The following CACNA1E variants were observed in gnomAD, a reference collection of about 807,000 sequenced individuals.
CACNA1E encodes calcium voltage-gated channel subunit alpha1 E.
CACNA1E carries 40 observed loss-of-function variants against 259.2 expected under a neutral mutation model. The ratio of observed to expected loss-of-function variants is 0.15; its 90% CI spans 0.12 to 0.20. The LOEUF (loss-of-function observed/expected upper bound fraction) is 0.20. Ranked by LOEUF, CACNA1E falls within the 10% of genes least tolerant of loss-of-function variation. The pLI, the probability that CACNA1E is intolerant of heterozygous loss-of-function variation, is 1.00. For synonymous variants in CACNA1E, 1,104 were observed against 1,138.5 expected, an observed-to-expected ratio of 0.97 and a Z score of 0.61; for missense variants, 1,874 against 3,040.1, an observed-to-expected ratio of 0.62 and a Z score of 9.02.
At chr1:181,762,540 T>A (rs745660022) in intron 32 of CACNA1E, 34 bp from the exon 33 acceptor site, 5 of 1,269,372 alleles carry the variant, frequency 3.9e-6, no homozygotes, top group Non-Finnish European at 5.7e-6. Context: ...TTCTTTCCTT[T>A]TCTGATGTTC....
chr1:181,798,302 C>A lies in CACNA1E; in HGVS notation c.6410C>A (p.Ser2137Tyr), dbSNP rs1661985958. 46 of 1,594,784 alleles carry A rather than the reference C, an allele frequency of 2.9e-5. No homozygotes were observed. Among genetic ancestry groups the A allele is most frequent in the Non-Finnish European group, 3.9e-5 (46 of 1,172,154 alleles). ...SQTPNRQGTG[S>Y]LSESSIPSVS... is the part of the protein sequence containing the mutation. ...TCTCCTGCTATACAGGGCACAGGTT[C>A]CCTAAGTGAGAGCTCCATCCCCTCT... The change falls in exon 48 of 48, where the codon TCC (serine) becomes TAC (tyrosine). Residue 2137 changes from serine to tyrosine, a missense_variant. Transcript: ENST00000367573. The surrounding 1 kb of genome is among the most constrained non-coding windows in gnomAD (Gnocchi z 4.2).
intron 1 of CACNA1E, among the ~76,000 whole-genome samples, chr1:181,489,948 G>A (rs202229387): frequency 6.6e-6 from 1 of 152,326 alleles, no homozygotes; most frequent in East Asian, 1.9e-4. Flanking sequence ...GCACAGAGAG[G>A]ATGCACGTGT....
At chr1:181,769,992 C>A (rs190660871) in intron 35 of CACNA1E, among the ~76,000 whole-genome samples, 2 of 152,302 alleles carry the variant, frequency 1.3e-5, no homozygotes, top group Admixed American at 1.3e-4. Context: ...TGCTGCCTCA[C>A]TTGCCACCTC....
Position 181,710,988 on chromosome 1 carries a change from C to A in CACNA1E, c.1090C>A (p.Arg364=). 1 of 1,613,704 alleles carries A rather than the reference C, an allele frequency of 6.2e-7. No individual in the cohort carries two copies. The highest frequency in any genetic ancestry group is 8.5e-7 in the Non-Finnish European group (1 of 1,179,790). Reference sequence around the variant, plus strand: ...CAAAGAGAGAGAGAGAGTGGAGAACCGAAGGGCTTTCATGAAGCTGCGGCG... The same window carrying A: ...CAAAGAGAGAGAGAGAGTGGAGAACAGAAGGGCTTTCATGAAGCTGCGGCG... ...FAKERERVEN[R]RAFMKLRRQQ... The change falls in exon 8 of 48, where the codon CGA becomes AGA. Residue 364 remains arginine (R), a synonymous_variant. Coordinates refer to ENST00000367573, the MANE Select transcript of CACNA1E (RefSeq NM_001205293.3).
intron 8 of CACNA1E, among the ~76,000 whole-genome samples, chr1:181,712,820 G>C (rs1240278543): frequency 6.6e-6 from 1 of 152,108 alleles, no homozygotes; most frequent in Non-Finnish European, 1.5e-5. Flanking sequence ...ACCACTAAGA[G>C]AGCTGGCAGC....
chr1:181,385,523 T>C (rs1394164437), intron 1 of CACNA1E, among the ~76,000 whole-genome samples: 1 of 152,184 alleles, frequency 6.6e-6, no homozygotes, highest in African/African-American at 2.4e-5. Flanking sequence ...TATAAGCGCG[T>C]CCTTGAATTG....
chr1:181,753,773 C>T (rs1465261602), intron 27 of CACNA1E, among the ~76,000 whole-genome samples: 2 of 152,228 alleles, frequency 1.3e-5, no homozygotes, highest in African/African-American at 4.8e-5. Flanking sequence ...CACTGCTTCC[C>T]TTTCAGCCAT....
At chr1:181,779,360 G>C in intron 38 of CACNA1E, 1 of 322,402 alleles carries the variant, frequency 3.1e-6, no homozygotes, top group African/African-American at 2.1e-5. Flanking sequence ...ACCTCTTTCA[G>C]CCATCCTCTT....
At chr1:181,594,707 G>A (rs938360095) in intron 6 of CACNA1E, among the ~76,000 whole-genome samples, 3 of 152,164 alleles carry the variant, frequency 2.0e-5, no homozygotes, top group Non-Finnish European at 2.9e-5. Context: ...TGCAAGTTTT[G>A]TTTCTTATCC....
chr1:181,762,749 C>A, intron 33 of CACNA1E, 92 bp downstream of exon 33: 1 of 738,482 alleles, frequency 1.4e-6, no homozygotes, highest in African/African-American at 1.8e-5. Flanking sequence ...TTTAACCCAC[C>A]AAAGCAAATG....
At chr1:181,444,524 T>G (rs887097008) in intron 2 of CACNA1E, among the ~76,000 whole-genome samples, 15 of 151,978 alleles carry the variant, frequency 9.9e-5, no homozygotes, top group Non-Finnish European at 5.9e-5. Flanking sequence ...AAGGGAGGAC[T>G]CCCAGGTACT....
At chr1:181,761,432 T>C (rs1162326372) in intron 32 of CACNA1E, among the ~76,000 whole-genome samples, 1 of 152,220 alleles carries the variant, frequency 6.6e-6, no homozygotes, top group Non-Finnish European at 1.5e-5. Context: ...AGGCCTGGCC[T>C]AGTGTCTGGC....
At chr1:181,347,662 C>T (rs950217625) in intron 1 of CACNA1E, among the ~76,000 whole-genome samples, 5 of 152,302 alleles carry the variant, frequency 3.3e-5, no homozygotes, top group African/African-American at 1.2e-4. Flanking sequence ...ATTCACGTTG[C>T]GTGTTTCAGT....
intron 8 of CACNA1E, among the ~76,000 whole-genome samples, chr1:181,711,909 T>C (rs1346691767): frequency 1.3e-5 from 2 of 151,994 alleles, no homozygotes; most frequent in Admixed American, 6.6e-5. Context: ...ACAAGAACCA[T>C]GGGAGGGTTT....
chr1:181,726,087 C>T lies in CACNA1E; in HGVS notation c.2165C>T (p.Ala722Val). 6.2e-7 allele frequency: 1 copy of T among 1,612,610 alleles called. No homozygotes were observed. The highest frequency in any genetic ancestry group is 1.3e-5 in the African/African-American group (1 of 75,014). Residue 722 changes from alanine to valine, a missense_variant, in exon 18 of 48, where the codon GCC (alanine) becomes GTC (valine). By Grantham distance (64) the Ala-to-Val change is moderately conservative (BLOSUM62 0). This residue lies in a region of CACNA1E where 102 missense variants were observed against 279.4 expected (regional missense o/e 0.37). Coordinates refer to ENST00000367573, the MANE Select transcript of CACNA1E (RefSeq NM_001205293.3). The part of the protein sequence containing the change: ...LTKDEQEEEE[A>V]FNQKHALQKA... ...TAGGATGAACAGGAGGAAGAAGAGG[C>T]CTTCAACCAGAAACATGCACTGCAG... is the stretch of plus-strand genomic sequence containing the variant.
rs144580117 is a variant in CACNA1E at position 181,492,817 on chromosome 1, C to G, written c.266+8807C>G. ...ATTTTCCTGCTCTTTTTTACTCCCA[C>G]TTCCCTCCTTCCTGAAGGTCAGGAG... On this transcript the variant is annotated intron_variant, in intron 1 of 47. Coordinates refer to ENST00000367573, the MANE Select transcript of CACNA1E (RefSeq NM_001205293.3). Among the ~76,000 whole-genome samples, 272 of 152,336 alleles carry G rather than the reference C, an allele frequency of 1.8e-3. 2 individuals are homozygous for G. Among genetic ancestry groups the G allele is most frequent in the African/African-American group, 6.3e-3 (262 of 41,584 alleles).
At chr1:181,786,418 T>C (rs1217622440) in intron 43 of CACNA1E, among the ~76,000 whole-genome samples, 2 of 151,452 alleles carry the variant, frequency 1.3e-5, no homozygotes, top group Non-Finnish European at 3.0e-5. Flanking sequence ...TAGTAGAATG[T>C]GGAACTGGAA....
Position 181,784,754 on chromosome 1 carries a change from T to C in CACNA1E, c.5564T>C (p.Val1855Ala). The C allele has an allele frequency of 6.4e-7, 1 of 1,570,634 alleles. No homozygotes were observed. The highest frequency in any genetic ancestry group is 8.6e-7 in the Non-Finnish European group (1 of 1,156,658). Reference protein sequence around the residue: ...HLSQKMLDLLVPMPKASDLTV... With the variant: ...HLSQKMLDLLAPMPKASDLTV... ...TCCCAGAAGATGCTGGATCTGCTTGTGCCCATGCCCAAAGGTTTGGGTCTT... is the reference window on the plus strand; with the variant it reads ...TCCCAGAAGATGCTGGATCTGCTTGCGCCCATGCCCAAAGGTTTGGGTCTT... The change falls in exon 41 of 48, where the codon GTG (valine) becomes GCG (alanine). Residue 1855 changes from valine (V) to alanine (A), a missense_variant. Physicochemically the swap from Val to Ala is moderately conservative, Grantham distance 64 (BLOSUM62 0). Coordinates refer to ENST00000367573, the MANE Select transcript of CACNA1E (RefSeq NM_001205293.3).
chr1:181,489,649 G>T (rs1664144441), intron 1 of CACNA1E, among the ~76,000 whole-genome samples: 1 of 152,180 alleles, frequency 6.6e-6, no homozygotes, highest in African/African-American at 2.4e-5. Context: ...TGGAAGGTAC[G>T]TGTCACTCTG....
Sources: allele counts gnomAD v4.1 joint callset (sites outside exome capture counted in the v4.1 genomes callset), GRCh38; gene constraint gnomAD v4.1.1; regional missense constraint gnomAD v4.1.1; non-coding constraint Gnocchi (gnomAD v3.1); transcripts MANE v1.5; gene names NCBI Gene and HGNC (gene_info 2026-07-23, HGNC 2026-07-21).